Variants in VARS1 observed in about 807,000 individuals in gnomAD.
VARS1 encodes the protein valine--tRNA ligase.
Under a neutral mutation model 161.0 loss-of-function variants are expected in VARS1, and 92 were observed. That is an observed-to-expected ratio of 0.57 (90% CI 0.48 to 0.68). The LOEUF is 0.68. VARS1 is among the 30% of genes least tolerant of loss of function. VARS1 has a pLI of 0.00. For synonymous variants in VARS1, 595 were observed against 682.5 expected (o/e 0.87, Z 2.00); for missense variants, 1,338 against 1,695.9 (o/e 0.79, Z 3.71).
At chr6:31,788,477 C>T (rs1033244365) in intron 8 of VARS1, among the ~76,000 whole-genome samples, 3 of 145,324 alleles carry the variant, frequency 2.1e-5, no homozygotes, top group Non-Finnish European at 4.5e-5. Flanking sequence ...CCTGGGAAAC[C>T]GAGAGAGACT....
At position 31,795,186 on chromosome 6, in the gene VARS1, T is replaced by G. The variant is rs146870893; in HGVS notation, c.32A>C (p.Asp11Ala). 7.5e-6 allele frequency: 11 copies of G among 1,473,162 alleles called. No individual in the cohort carries two copies. Among genetic ancestry groups the G allele is most frequent in the Non-Finnish European group, 9.9e-6 (11 of 1,113,356 alleles). 91.3% of individuals were successfully genotyped at this position (1,473,162 alleles called of 1,614,324 possible). ...GAGGGCTCGGAGGCTGGGGAAGGCA[T>G]CTGGGTGAGGGGAGACGTAGAGGGT... MSTLYVSPHP[D>A]AFPSLRALIA... The change falls in exon 2 of 30, where the codon GAT becomes GCT. Residue 11 changes from aspartate to alanine, a missense_variant. Asp to Ala is a moderately radical substitution (Grantham distance 126). Around this residue, in one of 3 missense-constraint regions of VARS1, gnomAD observed 902 missense variants for 1,090.3 expected, o/e 0.83. Transcript: ENST00000375663. The surrounding 1 kb of genome is among the most constrained non-coding windows in gnomAD (Gnocchi z 6.9).
chr6:31,792,643 C>T, intron 4 of VARS1, 114 bp downstream of exon 4: 1 of 1,592,668 alleles, frequency 6.3e-7, no homozygotes, highest in East Asian at 2.2e-5. Context: ...CCTCTCCCTC[C>T]TCTCCCGCAG....
At position 31,784,867 on chromosome 6, in the gene VARS1, G is replaced by A. The variant is rs75155700; in HGVS notation, c.1348-153C>T. Among the ~76,000 whole-genome samples the A allele has an allele frequency of 2.4e-3, 363 of 152,272 alleles. 10 individuals are homozygous for A. In the East Asian group the frequency reaches 0.043, roughly 18 times the overall value. On this transcript the variant is annotated intron_variant, in intron 10 of 29. Transcript: ENST00000375663. The surrounding 1 kb of genome is among the most constrained non-coding windows in gnomAD (Gnocchi z 6.1). ...GGAGTACTTTCCTTCTTTCCTTGAGGGGGAGAGAGGACTAAGGGAACACAA... is the reference window on the plus strand; with the variant it reads ...GGAGTACTTTCCTTCTTTCCTTGAGAGGGAGAGAGGACTAAGGGAACACAA...
At position 31,791,154 on chromosome 6, in the gene VARS1, A is replaced by C. The variant is rs6899983; in HGVS notation, c.1100+456T>G. Among the ~76,000 whole-genome samples the C allele has an allele frequency of 0.033, 4,996 of 150,956 alleles. 124 individuals carry two copies. Among genetic ancestry groups the C allele is most frequent in the African/African-American group, 0.05 (2,077 of 41,180 alleles). ...CAACAGAACAAGACTCTGTCCCCCCAAAAAAAAATATATATATTCATATGT... is the reference window on the plus strand; with the variant it reads ...CAACAGAACAAGACTCTGTCCCCCCCAAAAAAAATATATATATTCATATGT... On this transcript the variant is annotated intron_variant, in intron 8 of 29. Transcript: ENST00000375663. The surrounding 1 kb of genome is among the most constrained non-coding windows in gnomAD (Gnocchi z 5.0).
At chr6:31,783,321 A>G in intron 13 of VARS1, 135 bp from the exon 14 acceptor site, 3 of 827,886 alleles carry the variant, frequency 3.6e-6, no homozygotes, top group Non-Finnish European at 5.7e-6. Context: ...CCTGGCCAAC[A>G]TGGGGAAACC....
chr6:31,780,002 T>C lies in VARS1; in HGVS notation c.3077A>G (p.Tyr1026Cys). 4 of 1,613,854 alleles carry C rather than the reference T, an allele frequency of 2.5e-6. No individual in the cohort carries two copies. The highest frequency in any genetic ancestry group is 3.4e-6 in the Non-Finnish European group (4 of 1,179,986). Residue 1026 changes from tyrosine (Y) to cysteine (C), a missense_variant, in exon 26 of 30, where the codon TAC becomes TGC. By Grantham distance (194) the Tyr-to-Cys change is radical (BLOSUM62 -2). Around this residue, in one of 3 missense-constraint regions of VARS1, gnomAD observed 433 missense variants for 586.2 expected, o/e 0.74. Transcript: ENST00000375663. This position sits in a 1 kb window ranked among gnomAD's most constrained non-coding sequence, Gnocchi z 5.1. ...SFWLYELCDV[Y>C]LECLKPVLNG... Reference sequence around the variant, plus strand: ...CCCCGCTGTGCTCCTTCTCACCAAGTAGACATCACAGAGCTCATAGAGCCA... The same window carrying C: ...CCCCGCTGTGCTCCTTCTCACCAAGCAGACATCACAGAGCTCATAGAGCCA...
At position 31,782,411 on chromosome 6, in the gene VARS1, C is replaced by T. The variant is rs766263302; in HGVS notation, c.2024G>A (p.Arg675Gln). The change falls in exon 17 of 30, where the codon CGG becomes CAG. Residue 675 changes from arginine (R) to glutamine (Q), a missense_variant. Arg to Gln is a conservative substitution (Grantham distance 43, BLOSUM62 1). Around this residue, in one of 3 missense-constraint regions of VARS1, gnomAD observed 902 missense variants for 1,090.3 expected, o/e 0.83. Coordinates refer to ENST00000375663, the MANE Select transcript of VARS1 (RefSeq NM_006295.3). This position sits in a 1 kb window ranked among gnomAD's most constrained non-coding sequence, Gnocchi z 8.3. ...RSKDVVEPLL[R>Q]PQWYVRCGEM... ...CCCGCAGCGAACGTACCACTGCGGC[C>T]GCAGCAGAGGCTCTACCACGTCCTT... The T allele has an allele frequency of 1.2e-5, 20 of 1,612,194 alleles. No homozygotes were observed. In the Admixed American group the frequency reaches 2.0e-4, roughly 16 times the overall value.
rs1312725156 is a variant in VARS1 at position 31,777,581 on chromosome 6, G to C, written c.*13C>G. On this transcript the variant is annotated 3_prime_UTR_variant, in exon 30 of 30. Coordinates refer to ENST00000375663, the MANE Select transcript of VARS1 (RefSeq NM_006295.3). This position sits in a 1 kb window ranked among gnomAD's most constrained non-coding sequence, Gnocchi z 5.8. ...TGAGCCGCTGGGGGTGAGGGGTGAA[G>C]CTGGGTGGTGGATCACAGCATCTTC... 1.2e-6 allele frequency: 2 copies of C among 1,613,986 alleles called. No individual in the cohort carries two copies. Among genetic ancestry groups the C allele is most frequent in the Non-Finnish European group, 1.7e-6 (2 of 1,179,986 alleles).
At position 31,782,402 on chromosome 6, in the gene VARS1, C is replaced by T; in HGVS notation, c.2033G>A (p.Trp678Ter). The change falls in exon 17 of 30, where the codon TGG (tryptophan) becomes TAG (stop). Residue 678 changes from tryptophan (W) to a stop codon, truncating the protein, a stop_gained. Transcript: ENST00000375663. LOFTEE classifies it high-confidence loss of function. This position sits in a 1 kb window ranked among gnomAD's most constrained non-coding sequence, Gnocchi z 8.3. Reference protein sequence around the residue: ...DVVEPLLRPQWYVRCGEMAQA... With the variant: ...DVVEPLLRPQ ...GGCCATCTCCCCGCAGCGAACGTAC[C>T]ACTGCGGCCGCAGCAGAGGCTCTAC... is the stretch of plus-strand genomic sequence containing the variant. 1 of 1,612,356 alleles carries T rather than the reference C, an allele frequency of 6.2e-7. No individual in the cohort carries two copies. The highest frequency in any genetic ancestry group is 8.5e-7 in the Non-Finnish European group (1 of 1,179,710).
At position 31,782,853 on chromosome 6, in the gene VARS1, T is replaced by TACA. The variant is rs1204325376; in HGVS notation, c.1763-11_1763-9dup. On this transcript the variant is annotated splice_polypyrimidine_tract_variant and intron_variant, in intron 14 of 29. Transcript: ENST00000375663. This position sits in a 1 kb window ranked among gnomAD's most constrained non-coding sequence, Gnocchi z 8.3. ...GGGTGATCTTCACAGCACCTGGGTGTACATCAGGATGCCCAGGTCATGAGG... is the reference window on the plus strand; with the variant it reads ...GGGTGATCTTCACAGCACCTGGGTGTACAACATCAGGATGCCCAGGTCATGAGG... 6.2e-7 allele frequency: 1 copy of TACA among 1,607,656 alleles called. No homozygotes were observed. Among genetic ancestry groups the TACA allele is most frequent in the Non-Finnish European group, 8.5e-7 (1 of 1,177,308 alleles).
rs781457333 is a variant in VARS1 at position 31,792,501 on chromosome 6, G to C, written c.677C>G (p.Ala226Gly). The change falls in exon 5 of 30, where the codon GCC (alanine) becomes GGC (glycine). Residue 226 changes from alanine to glycine, a missense_variant. Physicochemically the swap from Ala to Gly is moderately conservative, Grantham distance 60. Coordinates refer to ENST00000375663, the MANE Select transcript of VARS1 (RefSeq NM_006295.3). ...LSHQPGPEAP[A>G]LPKTAAQLKK... Reference sequence around the variant, plus strand: ...GAGCTGAGCAGCTGTCTTTGGGAGGGCAGGAGCCTCGGGGCCTAGAGAGAG... The same window carrying C: ...GAGCTGAGCAGCTGTCTTTGGGAGGCCAGGAGCCTCGGGGCCTAGAGAGAG... 6.2e-7 allele frequency: 1 copy of C among 1,613,758 alleles called. No individual in the cohort carries two copies. The highest frequency in any genetic ancestry group is 8.5e-7 in the Non-Finnish European group (1 of 1,179,940).
chr6:31,792,516 C>A lies in VARS1; in HGVS notation c.662G>T (p.Gly221Val). The A allele has an allele frequency of 6.2e-7, 1 of 1,613,870 alleles. No homozygotes were observed. Among genetic ancestry groups the A allele is most frequent in the Non-Finnish European group, 8.5e-7 (1 of 1,179,988 alleles). Reference sequence around the variant, plus strand: ...CTTTGGGAGGGCAGGAGCCTCGGGGCCTAGAGAGAGGTGCAGAAATTCAGA... The same window carrying A: ...CTTTGGGAGGGCAGGAGCCTCGGGGACTAGAGAGAGGTGCAGAAATTCAGA... ...SGARPLSHQP[G>V]PEAPALPKTA... The change falls in exon 5 of 30, where the codon GGC becomes GTC. Residue 221 changes from glycine to valine, a missense_variant and splice_region_variant. Coordinates refer to ENST00000375663, the MANE Select transcript of VARS1 (RefSeq NM_006295.3).
rs781386974 is a variant in VARS1, at chr6:31,785,741, G to T, written c.1101-8C>A. 12 of 1,604,818 alleles carry T rather than the reference G, an allele frequency of 7.5e-6. No homozygotes were observed. The highest frequency in any genetic ancestry group is 9.3e-6 in the Non-Finnish European group (11 of 1,177,044). On this transcript the variant is annotated splice_polypyrimidine_tract_variant and splice_region_variant and intron_variant, in intron 8 of 29. Transcript: ENST00000375663. This position sits in a 1 kb window ranked among gnomAD's most constrained non-coding sequence, Gnocchi z 6.1. ...TCCCCACGCATGCGGTGCCTGTTAG[G>T]GGGCATGGAGGACCAGAGGGTGAGC... is the stretch of plus-strand genomic sequence containing the variant.
rs1812880532 is a variant in VARS1, at chr6:31,778,390, C to T, written c.3726+577G>A. Among the ~76,000 whole-genome samples, 1 of 152,214 alleles carries T rather than the reference C, an allele frequency of 6.6e-6. No individual in the cohort carries two copies. The highest frequency in any genetic ancestry group is 2.4e-5 in the African/African-American group (1 of 41,460). On this transcript the variant is annotated intron_variant, in intron 29 of 29. Transcript: ENST00000375663. The surrounding 1 kb of genome is among the most constrained non-coding windows in gnomAD (Gnocchi z 5.1). ...TTGTGCCCAGCCCCCAGCTGCTCCC[C>T]ATGTGTAAGGGGAGGGCCTTCTATG...
intron 8 of VARS1, among the ~76,000 whole-genome samples, chr6:31,786,200 C>A (rs1813490640): frequency 6.6e-6 from 1 of 152,024 alleles, no homozygotes; most frequent in African/African-American, 2.4e-5. Context: ...GCAGAGGTTG[C>A]AGCAAGCTGG....
Position 31,778,431 on chromosome 6 carries a change from G to A in VARS1, c.3726+536C>T, listed in dbSNP as rs1189312385. Among the ~76,000 whole-genome samples, 2 of 152,202 alleles carry A rather than the reference G, an allele frequency of 1.3e-5. No homozygotes were observed. The highest frequency in any genetic ancestry group is 2.4e-5 in the African/African-American group (1 of 41,452). The stretch of plus-strand genomic sequence containing the variant: ...GCCTTCTATGGTCCCTGCTCAAAGC[G>A]CCTGGGCTCCATGCTCCCCAGTGGA... On this transcript the variant is annotated intron_variant, in intron 29 of 29. Transcript: ENST00000375663. This position sits in a 1 kb window ranked among gnomAD's most constrained non-coding sequence, Gnocchi z 5.1.
Position 31,791,921 on chromosome 6 carries a change from C to T in VARS1, c.922G>A (p.Ala308Thr). The T allele has an allele frequency of 6.2e-7, 1 of 1,605,898 alleles. No individual in the cohort carries two copies. The highest frequency in any genetic ancestry group is 1.1e-5 in the South Asian group (1 of 90,292). ...DSYSPRYVEA[A>T]WYPWWEQQGF... ...TGCTGCTCCCACCAAGGGTACCAGG[C>T]AGCCTCCACATACCGAGGGCTGTAG... is the stretch of plus-strand genomic sequence containing the variant. The change falls in exon 7 of 30, where the codon GCC becomes ACC. Residue 308 changes from alanine (A) to threonine (T), a missense_variant. Ala to Thr is a moderately conservative substitution (Grantham distance 58, BLOSUM62 0). This residue lies in a region of VARS1 where 902 missense variants were observed against 1,090.3 expected (regional missense o/e 0.83). Coordinates refer to ENST00000375663, the MANE Select transcript of VARS1 (RefSeq NM_006295.3). The surrounding 1 kb of genome is among the most constrained non-coding windows in gnomAD (Gnocchi z 5.0).
chr6:31,787,628 G>A (rs913239281), intron 8 of VARS1, among the ~76,000 whole-genome samples: 1 of 151,456 alleles, frequency 6.6e-6, no homozygotes, highest in Non-Finnish European at 1.5e-5. Flanking sequence ...CTGGGCGACA[G>A]AGCGAGACTC....
At chr6:31,789,533 T>G (rs1379993906) in intron 8 of VARS1, among the ~76,000 whole-genome samples, 1 of 152,156 alleles carries the variant, frequency 6.6e-6, no homozygotes, top group Non-Finnish European at 1.5e-5. Context: ...GCAAAGCCAT[T>G]CTGCAGGGCA....
Sources: allele counts gnomAD v4.1 joint callset (sites outside exome capture counted in the v4.1 genomes callset), GRCh38; gene constraint gnomAD v4.1.1; regional missense constraint gnomAD v4.1.1; non-coding constraint Gnocchi (gnomAD v3.1); transcripts MANE v1.5; gene names NCBI Gene and HGNC (gene_info 2026-07-23, HGNC 2026-07-21).